The following ZNF14 variants were observed in gnomAD, a reference collection of about 807,000 sequenced individuals.
The protein encoded by ZNF14 is zinc finger protein 14.
ZNF14 carries 9 observed loss-of-function variants against 11.3 expected under a neutral mutation model. That is an observed-to-expected ratio of 0.80 (90% CI 0.48 to 1.39). The LOEUF is 1.39. Ranked by LOEUF, ZNF14 falls within the 40% of genes most tolerant of loss-of-function variation. The probability of loss-of-function intolerance (pLI) is 0.00; values close to 1 mark genes in which losing one functional copy is unlikely to be tolerated. For missense variants in ZNF14, 711 were observed against 763.9 expected (o/e 0.93, Z 0.82); for synonymous variants, 239 against 245.7 (o/e 0.97, Z 0.25).
intron 1 of ZNF14, among the ~76,000 whole-genome samples, chr19:19,715,984 T>A (rs761218920): frequency 6.6e-6 from 1 of 152,230 alleles, no homozygotes; most frequent in Admixed American, 6.5e-5. Flanking sequence ...TCTAGGAGAT[T>A]ACTAGGAAGT....
chr19:19,733,105 TC>T lies in ZNF14; in HGVS notation c.-148del. ...TTCCCATGGGCCAGGAATGGCGACG[TC>T]CGCACTGCGCAGGCCCAGCGTGGCG... On this transcript the variant is annotated 5_prime_UTR_variant, in exon 1 of 4. Coordinates refer to ENST00000344099, the MANE Select transcript of ZNF14 (RefSeq NM_021030.3). 1 of 993,644 alleles carries T rather than the reference TC, an allele frequency of 1.0e-6. No homozygotes were observed. The highest frequency in any genetic ancestry group is 1.6e-5 in the South Asian group (1 of 63,124). 61.6% of individuals were successfully genotyped at this position (993,644 alleles called of 1,614,324 possible). A position where few individuals can be genotyped will look rare whatever the true frequency, so the allele number is the denominator to read the frequency against.
rs1247195918 is a variant in ZNF14 at position 19,728,212 on chromosome 19, T to A, written c.3+4744A>T. Among the ~76,000 whole-genome samples, 4 of 132,960 alleles carry A rather than the reference T, an allele frequency of 3.0e-5. 1 individual carries two copies. Among genetic ancestry groups the A allele is most frequent in the Non-Finnish European group, 6.7e-5 (4 of 59,930 alleles). The allele number at this position is 132,960 out of a possible 152,430, so 87.2% of individuals were successfully genotyped here. On this transcript the variant is annotated intron_variant, in intron 1 of 3. Transcript: ENST00000344099. ...CTGTCAGACCAAACACCAATCCCAG[T>A]ACCACAGTCAAACCATATACTGGGG...
chr19:19,715,583 C>T (rs1298714767), intron 1 of ZNF14, among the ~76,000 whole-genome samples: 1 of 152,188 alleles, frequency 6.6e-6, no homozygotes, highest in Non-Finnish European at 1.5e-5. Flanking sequence ...ACACGCATTA[C>T]ATTACTTCTT....
chr19:19,723,133 A>G (rs1375607957), intron 1 of ZNF14, among the ~76,000 whole-genome samples: 2 of 152,184 alleles, frequency 1.3e-5, no homozygotes, highest in Non-Finnish European at 2.9e-5. Flanking sequence ...GAGTGGTGAG[A>G]GAGGGCATCC....
Position 19,711,342 on chromosome 19 carries a change from G to A in ZNF14, c.*10C>T, listed in dbSNP as rs199777085. 2.6e-5 allele frequency: 40 copies of A among 1,534,874 alleles called. No homozygotes were observed. Among genetic ancestry groups the A allele is most frequent in the Non-Finnish European group, 3.5e-5 (40 of 1,146,596 alleles). On this transcript the variant is annotated 3_prime_UTR_variant, in exon 4 of 4. Coordinates refer to ENST00000344099, the MANE Select transcript of ZNF14 (RefSeq NM_021030.3). ...GAACAACCGAAGGCTTCAGAATGTT[G>A]CTTATATTCTTAGACTTTCTCTCCC...
chr19:19,731,790 G>A (rs1429368484), intron 1 of ZNF14, among the ~76,000 whole-genome samples: 2 of 151,960 alleles, frequency 1.3e-5, no homozygotes, highest in East Asian at 2.0e-4. Context: ...CCACTTAGCC[G>A]GGCGCGGTGG....
In ZNF14 at chr19:19,724,007, T is replaced by C. The variant is rs149061031; in HGVS notation, c.3+8949A>G. ...ATTAGTCTTGCTAGCAGTCTATCAA[T>C]TTTGTTGATCTTTTTGAAAAACCAG... On this transcript the variant is annotated intron_variant, in intron 1 of 3. Coordinates refer to ENST00000344099, the MANE Select transcript of ZNF14 (RefSeq NM_021030.3). Among the ~76,000 whole-genome samples the C allele has an allele frequency of 8.8e-3, 1,171 of 133,636 alleles. 238 individuals are homozygous for C. Among genetic ancestry groups the C allele is most frequent in the African/African-American group, 0.031 (1,126 of 36,140 alleles). 87.7% of individuals were successfully genotyped at this position (133,636 alleles called of 152,430 possible).
rs748045391 is a variant in ZNF14 at position 19,712,279 on chromosome 19, A to G, written c.1002T>C (p.Pro334=). 15 of 1,613,582 alleles carry G rather than the reference A, an allele frequency of 9.3e-6. No individual in the cohort carries two copies. Among genetic ancestry groups the G allele is most frequent in the Non-Finnish European group, 1.3e-5 (15 of 1,179,896 alleles). ...CTTTCCCACATTCTTTACATTTATAAGGTCGAGCCCCAGTGTGTATTATTA... is the reference window on the plus strand; with the variant it reads ...CTTTCCCACATTCTTTACATTTATAGGGTCGAGCCCCAGTGTGTATTATTA... ...AHVIIHTGAR[P]YKCKECGKAF... The change falls in exon 4 of 4, where the codon CCT becomes CCC. Residue 334 remains proline, a synonymous_variant. Coordinates refer to ENST00000344099, the MANE Select transcript of ZNF14 (RefSeq NM_021030.3).
In ZNF14 at chr19:19,720,366, G is replaced by A. The variant is rs1235542077; in HGVS notation, c.4-5879C>T. 6.8e-6 allele frequency among the ~76,000 whole-genome samples: 1 copy of A among 147,974 alleles called. No individual in the cohort carries two copies. Reference sequence around the variant, plus strand: ...CTTTTTTTTTTTTTTTTGAGATGGAGTCTCGCTCTTGTTGCCCAGGCTGGA... The same window carrying A: ...CTTTTTTTTTTTTTTTTGAGATGGAATCTCGCTCTTGTTGCCCAGGCTGGA... On this transcript the variant is annotated intron_variant, in intron 1 of 3. Coordinates refer to ENST00000344099, the MANE Select transcript of ZNF14 (RefSeq NM_021030.3). This position sits in a 1 kb window ranked among gnomAD's most constrained non-coding sequence, Gnocchi z 4.1.
Position 19,712,603 on chromosome 19 carries a change from T to G in ZNF14, c.678A>C (p.Lys226Asn). ...AHTGKKPYEC[K>N]QCGKAFICYQ... ...AACATATAAAGGCTTTCCCACACTGTTTACATTCATAGGGTTTCTTTCCAG... is the reference window on the plus strand; with the variant it reads ...AACATATAAAGGCTTTCCCACACTGGTTACATTCATAGGGTTTCTTTCCAG... The change falls in exon 4 of 4, where the codon AAA becomes AAC. Residue 226 changes from lysine (K) to asparagine (N), a missense_variant. Coordinates refer to ENST00000344099, the MANE Select transcript of ZNF14 (RefSeq NM_021030.3). 6.2e-7 allele frequency: 1 copy of G among 1,613,790 alleles called. No individual in the cohort carries two copies.
At chr19:19,730,703 G>C (rs1371977687) in intron 1 of ZNF14, among the ~76,000 whole-genome samples, 1 of 151,918 alleles carries the variant, frequency 6.6e-6, no homozygotes, top group African/African-American at 2.4e-5. Flanking sequence ...ACCTGAGGTT[G>C]GGAGTTCGAG....
At chr19:19,715,974 T>C (rs1256596519) in intron 1 of ZNF14, among the ~76,000 whole-genome samples, 9 of 152,208 alleles carry the variant, frequency 5.9e-5, no homozygotes. Flanking sequence ...ATTTCATGGA[T>C]CTAGGAGATT....
Position 19,720,695 on chromosome 19 carries a change from C to T in ZNF14, c.4-6208G>A, listed in dbSNP as rs2145099331. Among the ~76,000 whole-genome samples, 1 of 152,140 alleles carries T rather than the reference C, an allele frequency of 6.6e-6. No individual in the cohort carries two copies. The highest frequency in any genetic ancestry group is 2.1e-4 in the South Asian group (1 of 4,812). On this transcript the variant is annotated intron_variant, in intron 1 of 3. Coordinates refer to ENST00000344099, the MANE Select transcript of ZNF14 (RefSeq NM_021030.3). This position sits in a 1 kb window ranked among gnomAD's most constrained non-coding sequence, Gnocchi z 4.1. Reference sequence around the variant, plus strand: ...GAGCTCCTAAAATAATTGGAAGCCCCTAAAATTAAAAATAATCAGGGAACT... The same window carrying T: ...GAGCTCCTAAAATAATTGGAAGCCCTTAAAATTAAAAATAATCAGGGAACT...
Position 19,714,713 on chromosome 19 carries a change from C to CTTTTTTTTTT in ZNF14, c.4-236_4-227dup, listed in dbSNP as rs3031866. 9.8e-5 allele frequency among the ~76,000 whole-genome samples: 12 copies of CTTTTTTTTTT among 122,840 alleles called. 1 individual carries two copies. The highest frequency in any genetic ancestry group is 1.7e-4 in the Admixed American group (2 of 11,598). 80.6% of individuals were successfully genotyped at this position (122,840 alleles called of 152,430 possible). ...TTTTTTCTTTTTCCTTTTTCTTTTTCTTTTTTTTTTTTTTTTGAGACAGAG... is the reference window on the plus strand; with the variant it reads ...TTTTTTCTTTTTCCTTTTTCTTTTTCTTTTTTTTTTTTTTTTTTTTTTTTTTGAGACAGAG... On this transcript the variant is annotated intron_variant, in intron 1 of 3. Coordinates refer to ENST00000344099, the MANE Select transcript of ZNF14 (RefSeq NM_021030.3).
At chr19:19,732,421 G>A (rs916072548) in intron 1 of ZNF14, among the ~76,000 whole-genome samples, 2 of 152,174 alleles carry the variant, frequency 1.3e-5, no homozygotes, top group Admixed American at 1.3e-4. Context: ...CGAAAAGAAA[G>A]CCCACATTCA....
intron 1 of ZNF14, among the ~76,000 whole-genome samples, chr19:19,718,525 G>T (rs1160430747): frequency 2.6e-5 from 4 of 152,046 alleles, no homozygotes; most frequent in Non-Finnish European, 4.4e-5. Flanking sequence ...ACACATAATA[G>T]TACTAACTAA....
Position 19,724,930 on chromosome 19 carries a change from G to C in ZNF14, c.3+8026C>G, listed in dbSNP as rs1314421547. Among the ~76,000 whole-genome samples, 2 of 132,688 alleles carry C rather than the reference G, an allele frequency of 1.5e-5. 1 individual carries two copies. The highest frequency in any genetic ancestry group is 3.3e-5 in the Non-Finnish European group (2 of 59,854). The allele number at this position is 132,688 out of a possible 152,430, so 87.0% of individuals were successfully genotyped here. On this transcript the variant is annotated intron_variant, in intron 1 of 3. Transcript: ENST00000344099. ...CCTACTTTTGTTTGTTTTCCATTTGGTTGGTAGATCTTCCTTTGTCCCTTT... is the reference window on the plus strand; with the variant it reads ...CCTACTTTTGTTTGTTTTCCATTTGCTTGGTAGATCTTCCTTTGTCCCTTT...
intron 1 of ZNF14, among the ~76,000 whole-genome samples, chr19:19,715,135 C>T (rs1164241543): frequency 6.6e-6 from 1 of 152,146 alleles, no homozygotes; most frequent in African/African-American, 2.4e-5. Context: ...ACCATTAATC[C>T]CTTGTGAGAA....
At chr19:19,713,982 A>T in intron 3 of ZNF14, 109 bp downstream of exon 3, 4 of 1,041,838 alleles carry the variant, frequency 3.8e-6, no homozygotes, top group South Asian at 3.0e-5. Context: ...AAACATTTTC[A>T]GTGAAAGTTT....
Sources: gnomAD v4.1 joint callset for allele counts (sites outside exome capture counted in the v4.1 genomes callset) on GRCh38, gnomAD v4.1.1 for gene constraint, Gnocchi (gnomAD v3.1) non-coding constraint, MANE v1.5 for transcripts, NCBI Gene and HGNC (gene_info 2026-07-23, HGNC 2026-07-21) for gene names.